The following MYO9A variants were observed in gnomAD, a reference collection of about 807,000 sequenced individuals.
MYO9A encodes the protein unconventional myosin-IXa.
In MYO9A, 103 loss-of-function variants were observed where a neutral mutation model predicts 293.3. That is an observed-to-expected ratio of 0.35 (90% CI 0.30 to 0.41). The LOEUF (loss-of-function observed/expected upper bound fraction) is 0.41. Among genes scored for constraint, MYO9A ranks in the 10% least tolerant of loss-of-function variants. The probability of loss-of-function intolerance (pLI) is 1.00; values close to 1 mark genes in which losing one functional copy is unlikely to be tolerated. For missense variants in MYO9A, 2,685 were observed against 3,033.0 expected (o/e 0.89, Z 2.69); for synonymous variants, 1,001 against 1,035.7 (o/e 0.97, Z 0.64).
intron 35 of MYO9A, among the ~76,000 whole-genome samples, chr15:71,853,976 A>C (rs1452430877): frequency 6.6e-6 from 1 of 152,202 alleles, no homozygotes; most frequent in African/African-American, 2.4e-5. Context: ...TTTTTCTGTA[A>C]ATGGGGATAA....
At chr15:71,856,267 C>T (rs895145657) in intron 34 of MYO9A, among the ~76,000 whole-genome samples, 2 of 151,874 alleles carry the variant, frequency 1.3e-5, no homozygotes, top group Non-Finnish European at 2.9e-5. Context: ...GCCAAGATCA[C>T]GCCACTGTAC....
Position 71,935,483 on chromosome 15 carries a change from C to G in MYO9A, c.2380G>C (p.Asp794His). The change falls in exon 17 of 42, where the codon GAT becomes CAT. Residue 794 changes from aspartate to histidine, a missense_variant and splice_region_variant. Asp to His is a moderately conservative substitution (Grantham distance 81). Coordinates refer to ENST00000356056, the MANE Select transcript of MYO9A (RefSeq NM_006901.4). ...CCATTCCAGGCAATATCAAATGTATCACTGTAAAAAATATAATTTGCTTTA... is the reference window on the plus strand; with the variant it reads ...CCATTCCAGGCAATATCAAATGTATGACTGTAAAAAATATAATTTGCTTTA... ...MNALNEKNQHDTFDIAWNGRT... is the reference protein window; with the variant it reads ...MNALNEKNQHHTFDIAWNGRT... The G allele has an allele frequency of 6.2e-7, 1 of 1,612,686 alleles. No individual in the cohort carries two copies. Among genetic ancestry groups the G allele is most frequent in the Non-Finnish European group, 8.5e-7 (1 of 1,179,206 alleles).
intron 19 of MYO9A, among the ~76,000 whole-genome samples, chr15:71,906,102 T>C (rs73434331): frequency 0.023 from 3,467 of 152,288 alleles, 125 homozygotes; most frequent in African/African-American, 0.081. Context: ...ATGTATTATT[T>C]AGAAGTCGCT....
chr15:71,854,489 T>G lies in MYO9A; in HGVS notation c.6234A>C (p.Val2078=). ...CAATGTAGTTTATGAGCTTTTCCACTACTAAAGGAACAGTTCGGTCTTCAC... is the reference window on the plus strand; with the variant it reads ...CAATGTAGTTTATGAGCTTTTCCACGACTAAAGGAACAGTTCGGTCTTCAC... ...LTSEDRTVPL[V]VEKLINYIEM... The change falls in exon 35 of 42, where the codon GTA becomes GTC. Residue 2078 remains valine, a synonymous_variant. Transcript: ENST00000356056. 6.2e-7 allele frequency: 1 copy of G among 1,613,784 alleles called. No individual in the cohort carries two copies. Among genetic ancestry groups the G allele is most frequent in the Non-Finnish European group, 8.5e-7 (1 of 1,179,780 alleles).
chr15:71,827,630 G>C (rs1165677230), intron 41 of MYO9A, among the ~76,000 whole-genome samples: 1 of 152,166 alleles, frequency 6.6e-6, no homozygotes, highest in Non-Finnish European at 1.5e-5. Context: ...ACCTTCCGTG[G>C]AAGTCAGGAA....
rs746633105 is a variant in MYO9A at position 71,896,779 on chromosome 15, TA to T, written c.5042+681del. 595 of 137,596 alleles carry T rather than the reference TA, an allele frequency of 4.3e-3. 4 individuals are homozygous for T. Among genetic ancestry groups the T allele is most frequent in the African/African-American group, 6.2e-3 (232 of 37,708 alleles). The allele number at this position is 137,596 out of a possible 1,614,324, so 8.5% of individuals were successfully genotyped here. On this transcript the variant is annotated intron_variant, in intron 25 of 41. Coordinates refer to ENST00000356056, the MANE Select transcript of MYO9A (RefSeq NM_006901.4). The stretch of plus-strand genomic sequence containing the variant: ...TGGGTGACAGAGTGAGACTCCATCT[TA>T]AAAAAAAAAAAAAAATTTCATTTCT...
Position 72,007,807 on chromosome 15 carries a change from T to C in MYO9A, c.1380+19A>G. 6.3e-7 allele frequency: 1 copy of C among 1,599,244 alleles called. No homozygotes were observed. Among genetic ancestry groups the C allele is most frequent in the African/African-American group, 1.3e-5 (1 of 74,100 alleles). ...AGTTACAAAGATTTGAAATGACAAC[T>C]GAAAATGTAATCACTCACCTCTAAT... On this transcript the variant is annotated intron_variant, in intron 8 of 41. Transcript: ENST00000356056.
At chr15:72,016,576 A>G (rs150991830) in intron 6 of MYO9A, among the ~76,000 whole-genome samples, 214 of 152,348 alleles carry the variant, frequency 1.4e-3, no homozygotes, top group African/African-American at 4.5e-3. Context: ...ATAAGTTCTA[A>G]TAACTCACAG....
rs1596277918 is a variant in MYO9A at position 71,956,381 on chromosome 15, G to A, written c.2182+3520C>T. 4.3e-5 allele frequency among the ~76,000 whole-genome samples: 6 copies of A among 140,846 alleles called. 1 individual carries two copies. The Admixed American group carries it at 4.3e-4, about 10-fold the overall frequency. 92.4% of individuals were successfully genotyped at this position (140,846 alleles called of 152,430 possible). On this transcript the variant is annotated intron_variant, in intron 14 of 41. Coordinates refer to ENST00000356056, the MANE Select transcript of MYO9A (RefSeq NM_006901.4). ...ACGCCCAGCGTGGTGGCTCACGCCT[G>A]TAATCCCAGAACTTTGGGAGGCCGA...
chr15:72,083,273 T>C lies in MYO9A; in HGVS notation c.-72+34407A>G, dbSNP rs547850963. ...GAAGGTGTACGTATCTAGGAATTTA[T>C]ACATTTCTTCTAGATTTTCTAGTTT... On this transcript the variant is annotated intron_variant, in intron 1 of 41. Transcript: ENST00000356056. Among the ~76,000 whole-genome samples, 413 of 152,324 alleles carry C rather than the reference T, an allele frequency of 2.7e-3. 3 individuals are homozygous for C. The highest frequency in any genetic ancestry group is 9.5e-3 in the African/African-American group (397 of 41,578).
intron 3 of MYO9A, among the ~76,000 whole-genome samples, chr15:72,031,390 G>A (rs2077865199): frequency 6.6e-6 from 1 of 152,148 alleles, no homozygotes; most frequent in Non-Finnish European, 1.5e-5. Flanking sequence ...AGAGGCTGAG[G>A]CAGGAGAATC....
In MYO9A at chr15:71,932,027, CCTTT is replaced by C. The variant is rs1248918928; in HGVS notation, c.2562+1639_2562+1642del. ...ACCTTTGTGTTTGTCCAAACTGCTGCCTTTGTTTTTTGTTGTCTCCAGGAAATTA... is the reference window on the plus strand; with the variant it reads ...ACCTTTGTGTTTGTCCAAACTGCTGCGTTTTTTGTTGTCTCCAGGAAATTA... On this transcript the variant is annotated intron_variant, in intron 18 of 41. Coordinates refer to ENST00000356056, the MANE Select transcript of MYO9A (RefSeq NM_006901.4). Among the ~76,000 whole-genome samples, 4 of 152,040 alleles carry C rather than the reference CCTTT, an allele frequency of 2.6e-5. No individual in the cohort carries two copies. In the South Asian group the frequency reaches 8.3e-4, roughly 32 times the overall value.
chr15:71,999,194 TATA>T (rs2076793509), intron 9 of MYO9A: 1 of 152,142 alleles, frequency 6.6e-6, no homozygotes, highest in South Asian at 2.1e-4. Context: ...TTTTTATAAT[TATA>T]ATAATTTGAC....
At chr15:72,065,419 G>A (rs1401777311) in intron 1 of MYO9A, among the ~76,000 whole-genome samples, 3 of 151,548 alleles carry the variant, frequency 2.0e-5, no homozygotes, top group African/African-American at 7.3e-5. Context: ...GGAGGCTGAG[G>A]CAGGAGAATG....
intron 12 of MYO9A, among the ~76,000 whole-genome samples, chr15:71,976,746 T>C (rs1228502325): frequency 6.6e-6 from 1 of 152,216 alleles, no homozygotes; most frequent in African/African-American, 2.4e-5. Flanking sequence ...TACTTTTTAC[T>C]TGTGTTAACA....
intron 2 of MYO9A, among the ~76,000 whole-genome samples, chr15:72,033,914 G>T (rs143955677): frequency 6.6e-6 from 1 of 152,116 alleles, no homozygotes; most frequent in Non-Finnish European, 1.5e-5. Context: ...GATTCATTGC[G>T]GAGCTTTTTT....
At chr15:71,995,085 G>A (rs375920461) in intron 9 of MYO9A, among the ~76,000 whole-genome samples, 3 of 152,080 alleles carry the variant, frequency 2.0e-5, no homozygotes, top group East Asian at 1.9e-4. Flanking sequence ...AAGAATCTAC[G>A]TTAAAACTGC....
Position 71,897,570 on chromosome 15 carries a change from C to T in MYO9A, c.4933G>A (p.Glu1645Lys), listed in dbSNP as rs775958885. Residue 1645 changes from glutamate (E) to lysine (K), a missense_variant, in exon 25 of 42, where the codon GAA becomes AAA. Coordinates refer to ENST00000356056, the MANE Select transcript of MYO9A (RefSeq NM_006901.4). ...KLSNNRISKR[E>K]HFRPTQSYSH... ...TAAGACTGAGTTGGCCTAAAGTGTT[C>T]TCTTTTTGAAATGCGATTATTTGAG... 2.5e-6 allele frequency: 4 copies of T among 1,614,156 alleles called. No homozygotes were observed. Among genetic ancestry groups the T allele is most frequent in the Non-Finnish European group, 3.4e-6 (4 of 1,180,018 alleles).
intron 1 of MYO9A, among the ~76,000 whole-genome samples, chr15:72,099,859 G>A (rs540507222): frequency 8.3e-6 from 1 of 121,180 alleles, no homozygotes; most frequent in Admixed American, 1.1e-4. Flanking sequence ...CCGAGATCGA[G>A]CCACTGCACT....
Sources: allele counts gnomAD v4.1 joint callset (sites outside exome capture counted in the v4.1 genomes callset), GRCh38; gene constraint gnomAD v4.1.1; transcripts MANE v1.5; gene names NCBI Gene and HGNC (gene_info 2026-07-23, HGNC 2026-07-21).